Variants in PRLR observed in about 807,000 individuals in gnomAD.
PRLR encodes prolactin receptor, also known as hPRL receptor.
Under a neutral mutation model 40.2 loss-of-function variants are expected in PRLR, and 13 were observed. The observed-to-expected ratio is 0.32, with a 90% CI of 0.21 to 0.51. The LOEUF (loss-of-function observed/expected upper bound fraction) is 0.51. PRLR is among the 20% of genes least tolerant of loss of function. The probability of loss-of-function intolerance (pLI) is 0.97; values close to 1 mark genes in which losing one functional copy is unlikely to be tolerated. For synonymous variants in PRLR, 269 were observed against 278.7 expected, an observed-to-expected ratio of 0.97 and a Z score of 0.35; for missense variants, 656 against 747.3, an observed-to-expected ratio of 0.88 and a Z score of 1.42.
intron 1 of PRLR, among the ~76,000 whole-genome samples, chr5:35,127,111 T>G (rs531290994): frequency 2.6e-5 from 4 of 152,186 alleles, no homozygotes; most frequent in Non-Finnish European, 4.4e-5. Flanking sequence ...TTTTCATGCC[T>G]TCTCATTCAT....
intron 1 of PRLR, among the ~76,000 whole-genome samples, chr5:35,180,625 C>G (rs1159615473): frequency 2.0e-5 from 3 of 151,772 alleles, no homozygotes; most frequent in Non-Finnish European, 4.4e-5. Flanking sequence ...TAGGGTACAT[C>G]TGCACAACGT....
At chr5:35,049,086 G>A (rs1300421737) in exon 9 of PRLR, 1 of 679,418 alleles carries the variant, frequency 1.5e-6, no homozygotes, top group Non-Finnish European at 2.7e-6. Flanking sequence ...TTTTTGTGTG[G>A]GTTTCCAGCT....
chr5:35,092,910 ACT>A (rs1011046719), intron 2 of PRLR, among the ~76,000 whole-genome samples: 1 of 151,356 alleles, frequency 6.6e-6, no homozygotes, highest in Admixed American at 6.6e-5. Flanking sequence ...ATCTTCAAAG[ACT>A]CTCTTACCCT....
intron 1 of PRLR, among the ~76,000 whole-genome samples, chr5:35,177,466 T>A (rs1775181594): frequency 6.6e-6 from 1 of 151,292 alleles, no homozygotes; most frequent in Non-Finnish European, 1.5e-5. Flanking sequence ...TCATTCCCCA[T>A]CCCCACCTCT....
intron 5 of PRLR, among the ~76,000 whole-genome samples, chr5:35,073,932 A>G (rs1290839751): frequency 6.6e-6 from 1 of 152,182 alleles, no homozygotes; most frequent in Admixed American, 6.5e-5. Flanking sequence ...AACCCTCAAT[A>G]CTGCTGGTAG....
intron 7 of PRLR, among the ~76,000 whole-genome samples, chr5:35,069,472 G>A (rs1769606248): frequency 6.6e-6 from 1 of 152,210 alleles, no homozygotes; most frequent in Non-Finnish European, 1.5e-5. Flanking sequence ...CAAGTTGTTA[G>A]AAAAGCTAGA....
At chr5:35,067,333 G>C (rs957801978) in intron 9 of PRLR, among the ~76,000 whole-genome samples, 1 of 152,128 alleles carries the variant, frequency 6.6e-6, no homozygotes, top group African/African-American at 2.4e-5. Context: ...ATTGTGAGCT[G>C]GACAGTAACT....
chr5:35,146,353 C>T (rs949813692), intron 1 of PRLR, among the ~76,000 whole-genome samples: 2 of 152,120 alleles, frequency 1.3e-5, no homozygotes, highest in African/African-American at 2.4e-5. Flanking sequence ...CTTGGGTGTA[C>T]TTATTGTTTT....
intron 1 of PRLR, among the ~76,000 whole-genome samples, chr5:35,161,476 A>G (rs532251875): frequency 6.6e-5 from 10 of 152,354 alleles, no homozygotes; most frequent in Admixed American, 2.0e-4. Flanking sequence ...TTGTTGTTTT[A>G]TGAGGCATCC....
intron 1 of PRLR, among the ~76,000 whole-genome samples, chr5:35,213,927 T>C (rs1776227377): frequency 6.6e-6 from 1 of 152,220 alleles, no homozygotes; most frequent in Non-Finnish European, 1.5e-5. Context: ...TGGAGGCCTT[T>C]GTCCAGGCTG....
intron 2 of PRLR, among the ~76,000 whole-genome samples, chr5:35,113,927 TTTTTGTTAGGTATCTAG>T (rs1772855603): frequency 6.6e-6 from 1 of 152,178 alleles, no homozygotes; most frequent in South Asian, 2.1e-4. Flanking sequence ...TCTGCCTTCA[TTTTTGTTAGGTATCTAG>T]TTTTGTTAGG....
intron 1 of PRLR, among the ~76,000 whole-genome samples, chr5:35,144,502 A>G (rs1774120642): frequency 6.6e-6 from 1 of 152,166 alleles, no homozygotes; most frequent in African/African-American, 2.4e-5. Context: ...CCAGACTGGA[A>G]TACAGCAGTG....
rs1768977212 is a variant in PRLR, at chr5:35,060,571, G to A, written c.*4518C>T. On this transcript the variant is annotated 3_prime_UTR_variant, in exon 10 of 10. Transcript: ENST00000618457. ...TATTTAACAAGTAAGGAACCTGATGGCCAGAGTTTAAAAGACTCATCCCAG... is the reference window on the plus strand; with the variant it reads ...TATTTAACAAGTAAGGAACCTGATGACCAGAGTTTAAAAGACTCATCCCAG... The A allele has an allele frequency of 6.6e-6, 1 of 152,132 alleles. No homozygotes were observed. Among genetic ancestry groups the A allele is most frequent in the African/African-American group, 2.4e-5 (1 of 41,398 alleles). 9.4% of individuals were successfully genotyped at this position (152,132 alleles called of 1,614,324 possible). A position where few individuals can be genotyped will look rare whatever the true frequency, so the allele number is the denominator to read the frequency against.
At chr5:35,075,921 A>G (rs1770061922) in intron 5 of PRLR, among the ~76,000 whole-genome samples, 1 of 152,348 alleles carries the variant, frequency 6.6e-6, no homozygotes, top group South Asian at 2.1e-4. Flanking sequence ...ATACCCAGGC[A>G]AACAGGGTCT....
At chr5:35,101,859 G>A (rs1771903115) in intron 2 of PRLR, among the ~76,000 whole-genome samples, 1 of 149,036 alleles carries the variant, frequency 6.7e-6, no homozygotes, top group African/African-American at 2.5e-5. Context: ...ATGGACTCTT[G>A]CTCTGTCACC....
At chr5:35,117,399 T>C (rs1436410784) in intron 2 of PRLR, among the ~76,000 whole-genome samples, 1 of 152,232 alleles carries the variant, frequency 6.6e-6, no homozygotes, top group African/African-American at 2.4e-5. Flanking sequence ...AAGTCGTACA[T>C]GTCGAGCTCA....
At chr5:35,211,021 G>A (rs930756468) in intron 1 of PRLR, among the ~76,000 whole-genome samples, 8 of 152,140 alleles carry the variant, frequency 5.3e-5, no homozygotes, top group African/African-American at 1.9e-4. Flanking sequence ...CCTAACTAGA[G>A]ATATTGGCTC....
chr5:35,168,019 A>G lies in PRLR; in HGVS notation c.-105-49897T>C, dbSNP rs552138239. On this transcript the variant is annotated intron_variant, in intron 1 of 9. Transcript: ENST00000618457. ...AGAAGGTTGAAAATAAAGATATGGG[A>G]AAAAAAGACCATCATAACACTAACC... Among the ~76,000 whole-genome samples, 35 of 152,114 alleles carry G rather than the reference A, an allele frequency of 2.3e-4. No individual in the cohort carries two copies. In the South Asian group the frequency reaches 6.8e-3, roughly 30 times the overall value.
chr5:35,116,976 T>C (rs1202607375), intron 2 of PRLR, among the ~76,000 whole-genome samples: 1 of 152,168 alleles, frequency 6.6e-6, no homozygotes, highest in Non-Finnish European at 1.5e-5. Context: ...GTTACTTCTG[T>C]TGGGGGGAGT....
Sources: gnomAD v4.1 joint callset for allele counts (sites outside exome capture counted in the v4.1 genomes callset) on GRCh38, gnomAD v4.1.1 for gene constraint, MANE v1.5 for transcripts, NCBI Gene and HGNC (gene_info 2026-07-23, HGNC 2026-07-21) for gene names.